The following ISX variants were observed in gnomAD, a reference collection of about 807,000 sequenced individuals.
ISX encodes intestine specific homeobox, also known as intestine-specific homeobox.
Under a neutral mutation model 16.9 loss-of-function variants are expected in ISX, and 15 were observed. The ratio of observed to expected loss-of-function variants is 0.89; its 90% CI spans 0.59 to 1.36. ISX has a LOEUF of 1.36. ISX is among the 40% of genes most tolerant of loss of function. The pLI is 0.00. For missense variants in ISX, 316 were observed against 306.1 expected (o/e 1.03, Z -0.24); for synonymous variants, 125 against 119.7 (o/e 1.04, Z -0.29).
intron 2 of ISX, among the ~76,000 whole-genome samples, chr22:35,079,956 C>A (rs1227685771): frequency 6.6e-6 from 1 of 152,210 alleles, no homozygotes; most frequent in Admixed American, 6.5e-5. Context: ...ACAGGCAATG[C>A]TGGTTGAGTC....
chr22:35,068,756 G>A (rs544082245), intron 2 of ISX, among the ~76,000 whole-genome samples: 1 of 152,296 alleles, frequency 6.6e-6, no homozygotes, highest in Admixed American at 6.5e-5. Context: ...ACAGACCCCA[G>A]TAAGTGCTGA....
At chr22:35,082,763 TAA>T in intron 3 of ISX, 94 bp downstream of exon 3, 1 of 1,332,726 alleles carries the variant, frequency 7.5e-7, no homozygotes, top group Non-Finnish European at 1.0e-6. Context: ...TTGCCCCATC[TAA>T]AAGTTTCTGT....
chr22:35,067,084 CT>C lies in ISX; in HGVS notation c.-3del. 1 of 1,611,896 alleles carries C rather than the reference CT, an allele frequency of 6.2e-7. No individual in the cohort carries two copies. Among genetic ancestry groups the C allele is most frequent in the Non-Finnish European group, 8.5e-7 (1 of 1,178,604 alleles). On this transcript the variant is annotated 5_prime_UTR_variant, in exon 2 of 5. Transcript: ENST00000404699. The stretch of plus-strand genomic sequence containing the variant: ...CCTACACAGAGTCACCCCTGAGCCC[CT>C]CAATGTGTGCTGAGGTGGGCCCTGC...
At chr22:35,085,366 T>C in intron 4 of ISX, 88 bp from the exon 5 acceptor site, 2 of 1,532,132 alleles carry the variant, frequency 1.3e-6, no homozygotes, top group Non-Finnish European at 1.8e-6. Context: ...TACCCACTCT[T>C]AGCTGCCCAA....
chr22:35,074,132 T>C lies in ISX; in HGVS notation c.229+6816T>C, dbSNP rs1449341190. Among the ~76,000 whole-genome samples the C allele has an allele frequency of 2.6e-5, 4 of 152,234 alleles. No homozygotes were observed. In the East Asian group the frequency reaches 5.8e-4, roughly 22 times the overall value. On this transcript the variant is annotated intron_variant, in intron 2 of 4. Coordinates refer to ENST00000404699, the MANE Select transcript of ISX (RefSeq NM_001303508.2). ...TCTGCATGTGAGCTCACCTCTTCCT[T>C]GCTGCTAATTGGCATTCTCCTAATA...
intron 2 of ISX, among the ~76,000 whole-genome samples, chr22:35,081,250 A>G (rs1461080389): frequency 1.3e-5 from 2 of 152,202 alleles, no homozygotes; most frequent in African/African-American, 4.8e-5. Flanking sequence ...ACAAAGTGAT[A>G]AGCACACACG....
At chr22:35,081,976 T>G (rs904657795) in intron 2 of ISX, among the ~76,000 whole-genome samples, 6 of 152,242 alleles carry the variant, frequency 3.9e-5, no homozygotes, top group Non-Finnish European at 5.9e-5. Flanking sequence ...TCAACAGCTT[T>G]GACTGCTATC....
rs1284996598 is a variant in ISX at position 35,066,995 on chromosome 22, G to A, written c.-93G>A. ...GGCTCTCTGTTCTTCACCTCCACGCGCCCTCTTGACCCCAGGAGGTTCAGG... is the reference window on the plus strand; with the variant it reads ...GGCTCTCTGTTCTTCACCTCCACGCACCCTCTTGACCCCAGGAGGTTCAGG... On this transcript the variant is annotated 5_prime_UTR_variant, in exon 2 of 5. Coordinates refer to ENST00000404699, the MANE Select transcript of ISX (RefSeq NM_001303508.2). 1.4e-5 allele frequency: 12 copies of A among 851,668 alleles called. No individual in the cohort carries two copies. The highest frequency in any genetic ancestry group is 3.6e-4 in the Middle Eastern group (1 of 2,784). The allele number at this position is 851,668 out of a possible 1,614,324, so 52.8% of individuals were successfully genotyped here.
chr22:35,086,983 G>T lies in ISX; in HGVS notation c.*1290G>T, dbSNP rs1490860227. ...CTACCTGCACCCCTGACCCACCCAG[G>T]AGTTGGACCGGGAGTTGGGAAGCCT... On this transcript the variant is annotated 3_prime_UTR_variant, in exon 5 of 5. Transcript: ENST00000404699. 6.6e-6 allele frequency: 1 copy of T among 152,266 alleles called. No individual in the cohort carries two copies. Among genetic ancestry groups the T allele is most frequent in the Non-Finnish European group, 1.5e-5 (1 of 68,098 alleles). The allele number at this position is 152,266 out of a possible 1,614,324, so 9.4% of individuals were successfully genotyped here. A position where few individuals can be genotyped will look rare whatever the true frequency, so the allele number is the denominator to read the frequency against.
rs749440828 is a variant in ISX, at chr22:35,084,361, C to T, written c.382-22C>T. The T allele has an allele frequency of 7.1e-6, 11 of 1,554,178 alleles. No individual in the cohort carries two copies. In the South Asian group the frequency reaches 9.0e-5, roughly 13 times the overall value. On this transcript the variant is annotated intron_variant, in intron 3 of 4. Coordinates refer to ENST00000404699, the MANE Select transcript of ISX (RefSeq NM_001303508.2). ...ATGGAGGAAAACTCTTGCTTATCCC[C>T]GTCCTTTCTCCCTGATTACAGATCT...
chr22:35,084,418 G>A lies in ISX; in HGVS notation c.417G>A (p.Lys139=), dbSNP rs1414098409. Residue 139 remains lysine (K), a synonymous_variant, in exon 4 of 5, where the codon AAG becomes AAA. Transcript: ENST00000404699. Reference sequence around the variant, plus strand: ...AGAATCAGCGAGCCAAGTGGCGGAAGCAGGAGAAGATTGGCAACCTGGGGG... The same window carrying A: ...AGAATCAGCGAGCCAAGTGGCGGAAACAGGAGAAGATTGGCAACCTGGGGG... ...WFQNQRAKWR[K]QEKIGNLGAP... 1 of 1,614,054 alleles carries A rather than the reference G, an allele frequency of 6.2e-7. No homozygotes were observed. Among genetic ancestry groups the A allele is most frequent in the African/African-American group, 1.3e-5 (1 of 75,058 alleles).
chr22:35,079,250 G>GA (rs1929065040), intron 2 of ISX, among the ~76,000 whole-genome samples: 1 of 152,156 alleles, frequency 6.6e-6, no homozygotes, highest in Admixed American at 6.5e-5. Context: ...CTGAGTGGGA[G>GA]TCAGAAGACC....
At chr22:35,073,137 G>A (rs947602864) in intron 2 of ISX, among the ~76,000 whole-genome samples, 15 of 152,172 alleles carry the variant, frequency 9.9e-5, no homozygotes, top group African/African-American at 3.6e-4. Flanking sequence ...GACTTAGCCT[G>A]AGAAATTACA....
chr22:35,077,089 C>G (rs955139080), intron 2 of ISX, among the ~76,000 whole-genome samples: 5 of 152,186 alleles, frequency 3.3e-5, no homozygotes, highest in African/African-American at 1.2e-4. Flanking sequence ...CAGGATGATC[C>G]ATGCTGCCTC....
chr22:35,080,065 ATGGACCCAGCTGAC>A (rs1569113251), intron 2 of ISX, among the ~76,000 whole-genome samples: 1 of 152,154 alleles, frequency 6.6e-6, no homozygotes, highest in East Asian at 1.9e-4. Flanking sequence ...TCTCTGCAGC[ATGGACCCAGCTGAC>A]TGTGCCTTCT....
chr22:35,084,472 G>C lies in ISX; in HGVS notation c.471G>C (p.Val157=), dbSNP rs773294360. The change falls in exon 4 of 5, where the codon GTG becomes GTC. Residue 157 remains valine (V), a synonymous_variant. Transcript: ENST00000404699. The part of the protein sequence containing the change: ...GAPQQLSEAS[V]ALPTNLDVAG... ...CACAGCAGCTGAGTGAAGCCAGTGT[G>C]GCCCTGCCCACAAATCTGGATGTGG... is the stretch of plus-strand genomic sequence containing the variant. 2.1e-5 allele frequency: 34 copies of C among 1,612,826 alleles called. 1 individual carries two copies. The highest frequency in any genetic ancestry group is 1.8e-4 in the South Asian group (16 of 90,824).
At chr22:35,084,210 C>T (rs1208346453) in intron 3 of ISX, among the ~76,000 whole-genome samples, 173 bp from the exon 4 acceptor site, 4 of 152,354 alleles carry the variant, frequency 2.6e-5, no homozygotes, top group South Asian at 4.1e-4. Context: ...GTGGAAACCC[C>T]GGTTCCCTCT....
intron 2 of ISX, among the ~76,000 whole-genome samples, chr22:35,070,047 G>A (rs1279417772): frequency 1.3e-5 from 2 of 152,218 alleles, no homozygotes; most frequent in Non-Finnish European, 2.9e-5. Flanking sequence ...AGGAAGCTGA[G>A]ACTCAATAAG....
chr22:35,082,414 C>A lies in ISX; in HGVS notation c.230-104C>A. The stretch of plus-strand genomic sequence containing the variant: ...GCTCAAGAAGCCAGGGGCCAAGGCT[C>A]GGGAGCAGCAGTGGGGTGGAAGGGT... On this transcript the variant is annotated intron_variant, in intron 2 of 4. Transcript: ENST00000404699. The A allele has an allele frequency of 4.4e-6, 5 of 1,123,840 alleles. No homozygotes were observed. In the South Asian group the frequency reaches 6.0e-5, roughly 13 times the overall value. 69.6% of individuals were successfully genotyped at this position (1,123,840 alleles called of 1,614,324 possible). A position where few individuals can be genotyped will look rare whatever the true frequency, so the allele number is the denominator to read the frequency against.
Sources: allele counts gnomAD v4.1 joint callset (sites outside exome capture counted in the v4.1 genomes callset), GRCh38; gene constraint gnomAD v4.1.1; transcripts MANE v1.5; gene names NCBI Gene and HGNC (gene_info 2026-07-23, HGNC 2026-07-21).